ATP10B: variants seen among roughly 807,000 people sequenced by gnomAD.
ATP10B encodes the protein ATPase phospholipid transporting 10B (putative).
ATP10B carries 122 observed loss-of-function variants against 141.2 expected under a neutral mutation model. The ratio of observed to expected loss-of-function variants is 0.86; its 90% CI spans 0.75 to 1.00. ATP10B has a LOEUF of 1.00. Among genes scored for constraint, ATP10B ranks in the 50% least tolerant of loss-of-function variants. ATP10B has a pLI of 0.00. For synonymous variants in ATP10B, 685 were observed against 692.0 expected (o/e 0.99, Z 0.16); for missense variants, 1,876 against 1,825.3 (o/e 1.03, Z -0.51).
At chr5:160,926,398 G>C in the ATP10B span, among the ~76,000 whole-genome samples, 1 of 152,266 alleles carries the variant, frequency 6.6e-6, no homozygotes, top group South Asian at 2.1e-4. Context: ...CTCTGAGTTG[G>C]CTTCTAATTC....
At chr5:160,782,563 T>C (rs1253425331) in intron 2 of ATP10B, among the ~76,000 whole-genome samples, 2 of 151,970 alleles carry the variant, frequency 1.3e-5, no homozygotes, top group Non-Finnish European at 2.9e-5. Context: ...TAGTCCTCTA[T>C]GGTTCTTCCC....
At chr5:160,731,595 T>TGGTTTTTGCCTG (rs1766743808) in intron 2 of ATP10B, among the ~76,000 whole-genome samples, 1 of 152,220 alleles carries the variant, frequency 6.6e-6, no homozygotes, top group Non-Finnish European at 1.5e-5. Flanking sequence ...CTGTTTTTGC[T>TGGTTTTTGCCTG]GGTTTTGGCC....
chr5:160,600,797 T>C (rs1757061709), intron 21 of ATP10B, among the ~76,000 whole-genome samples: 1 of 152,218 alleles, frequency 6.6e-6, no homozygotes, highest in South Asian at 2.1e-4. Flanking sequence ...TAATTCATTG[T>C]TCAAATTTCA....
intron 3 of ATP10B, among the ~76,000 whole-genome samples, chr5:160,705,111 G>T (rs1241362865): frequency 5.3e-5 from 8 of 151,460 alleles, no homozygotes; most frequent in Non-Finnish European, 8.8e-5. Context: ...GTAGAGACGG[G>T]GTTTCACTGT....
At chr5:160,662,628 C>T (rs1319070723) in intron 7 of ATP10B, among the ~76,000 whole-genome samples, 9 of 151,904 alleles carry the variant, frequency 5.9e-5, no homozygotes, top group Non-Finnish European at 1.3e-4. Flanking sequence ...TTCCTTACAC[C>T]TTATACAAAA....
At chr5:160,750,027 A>G (rs993031444) in intron 2 of ATP10B, among the ~76,000 whole-genome samples, 17 of 152,226 alleles carry the variant, frequency 1.1e-4, no homozygotes, top group Admixed American at 1.3e-4. Flanking sequence ...CTCACCTCCA[A>G]ACTTTCATGG....
intron 3 of ATP10B, among the ~76,000 whole-genome samples, chr5:160,693,403 A>AACACACACACACACACACAC (rs3075585): frequency 3.2e-5 from 4 of 125,684 alleles, no homozygotes; most frequent in East Asian, 2.7e-4. Flanking sequence ...TGGGTCAGAA[A>AACACACACACACACACACAC]ACACACACAC....
chr5:160,652,263 T>C (rs1195803997), intron 7 of ATP10B, among the ~76,000 whole-genome samples: 4 of 152,066 alleles, frequency 2.6e-5, no homozygotes, highest in Middle Eastern at 3.4e-3. Flanking sequence ...TCTTCTTCAG[T>C]TGGAGGAAGA....
chr5:160,602,305 G>T (rs1757138745), intron 21 of ATP10B, among the ~76,000 whole-genome samples: 1 of 152,012 alleles, frequency 6.6e-6, no homozygotes, highest in Non-Finnish European at 1.5e-5. Flanking sequence ...TCTGACTCCA[G>T]AGTCTACACT....
At chr5:160,635,764 A>T (rs146824778) in intron 11 of ATP10B, among the ~76,000 whole-genome samples, 4 of 152,198 alleles carry the variant, frequency 2.6e-5, no homozygotes, top group Admixed American at 6.5e-5. Context: ...TTCTCAATGT[A>T]TCAAATGTTA....
chr5:160,906,085 A>C, the ATP10B span, among the ~76,000 whole-genome samples: 388 of 152,330 alleles, frequency 2.5e-3, 1 homozygote, highest in African/African-American at 9.1e-3. Flanking sequence ...TTTAGATTTT[A>C]GATTTTGAAC....
intron 1 of ATP10B, among the ~76,000 whole-genome samples, chr5:160,789,201 C>T (rs1051313546): frequency 9.2e-5 from 14 of 152,120 alleles, no homozygotes; most frequent in Non-Finnish European, 7.4e-5. Context: ...TGACCATCAC[C>T]GGGAGACCCC....
the ATP10B span, among the ~76,000 whole-genome samples, chr5:160,904,015 C>A: frequency 6.6e-6 from 1 of 152,116 alleles, no homozygotes; most frequent in African/African-American, 2.4e-5. Flanking sequence ...CTGATGGCGT[C>A]AGCAGTAAAA....
At chr5:160,703,996 G>T (rs1465467685) in intron 3 of ATP10B, among the ~76,000 whole-genome samples, 1 of 152,126 alleles carries the variant, frequency 6.6e-6, no homozygotes, top group Non-Finnish European at 1.5e-5. Context: ...TGTTATTGTT[G>T]TTGAGAGACA....
intron 3 of ATP10B, among the ~76,000 whole-genome samples, chr5:160,702,338 G>A (rs1319054951): frequency 6.6e-6 from 1 of 152,110 alleles, no homozygotes; most frequent in Non-Finnish European, 1.5e-5. Flanking sequence ...AAGTAACTGT[G>A]GTTAAGGAAC....
At chr5:160,857,518 G>A in the ATP10B span, among the ~76,000 whole-genome samples, 1 of 151,254 alleles carries the variant, frequency 6.6e-6, no homozygotes, top group Non-Finnish European at 1.5e-5. Context: ...TCAATTTTAG[G>A]GATTTCTGTT....
intron 2 of ATP10B, among the ~76,000 whole-genome samples, chr5:160,727,737 T>C (rs1233971494): frequency 6.6e-6 from 1 of 152,134 alleles, no homozygotes; most frequent in East Asian, 1.9e-4. Flanking sequence ...AAAGTCCTTA[T>C]GCCAAAGGGA....
At chr5:160,680,605 G>A (rs1474948359) in intron 6 of ATP10B, among the ~76,000 whole-genome samples, 1 of 152,194 alleles carries the variant, frequency 6.6e-6, no homozygotes, top group African/African-American at 2.4e-5. Flanking sequence ...ATAGTGTTGA[G>A]GACATTGAGG....
At chr5:160,694,263 A>G (rs1764242046) in intron 3 of ATP10B, among the ~76,000 whole-genome samples, 1 of 152,150 alleles carries the variant, frequency 6.6e-6, no homozygotes, top group Non-Finnish European at 1.5e-5. Context: ...GGTGTGGTTT[A>G]TTGCTGCCTG....
Sources: allele counts gnomAD v4.1 joint callset (sites outside exome capture counted in the v4.1 genomes callset), GRCh38; gene constraint gnomAD v4.1.1; transcripts MANE v1.5; gene names NCBI Gene and HGNC (gene_info 2026-07-23, HGNC 2026-07-21).